Variants in TYK2 observed in about 807,000 individuals in gnomAD.
TYK2 encodes non-receptor tyrosine-protein kinase TYK2.
TYK2 carries 65 observed loss-of-function variants against 130.9 expected under a neutral mutation model. The observed-to-expected ratio is 0.50, with a 90% CI of 0.41 to 0.61. TYK2 has a LOEUF of 0.61. Among genes scored for constraint, TYK2 ranks in the 20% least tolerant of loss-of-function variants. The pLI, the probability that TYK2 is intolerant of heterozygous loss-of-function variation, is 0.00. For missense variants in TYK2, 1,378 were observed against 1,610.7 expected (o/e 0.86, Z 2.47); for synonymous variants, 647 against 658.9 (o/e 0.98, Z 0.28).
chr19:10,363,187 CTTTTT>C (rs942594471), intron 9 of TYK2, among the ~76,000 whole-genome samples: 1 of 127,686 alleles, frequency 7.8e-6, no homozygotes, highest in Non-Finnish European at 1.6e-5. Flanking sequence ...CCTGATCTCT[CTTTTT>C]TTTTTTTTTT....
intron 3 of TYK2, among the ~76,000 whole-genome samples, chr19:10,370,245 G>A (rs1337184484): frequency 6.6e-6 from 1 of 151,868 alleles, no homozygotes; most frequent in East Asian, 1.9e-4. Flanking sequence ...TGTAATTCCA[G>A]CTACTTGGGA....
rs780468311 is a variant in TYK2, at chr19:10,362,358, G to A, written c.1575C>T (p.Ser525=). The change falls in exon 11 of 25, where the codon AGC becomes AGT. Residue 525 remains serine, a synonymous_variant. Coordinates refer to ENST00000525621, the MANE Select transcript of TYK2 (RefSeq NM_003331.5). Reference sequence around the variant, plus strand: ...GCAAGGCAGCCCCAAGTTCCCGAACGCTGGGGAAGGACCGGCCCCAGCCCT... The same window carrying A: ...GCAAGGCAGCCCCAAGTTCCCGAACACTGGGGAAGGACCGGCCCCAGCCCT... ...VLEGWGRSFP[S]VRELGAALQG... 74 of 1,614,012 alleles carry A rather than the reference G, an allele frequency of 4.6e-5. No homozygotes were observed. Among genetic ancestry groups the A allele is most frequent in the Non-Finnish European group, 5.7e-5 (67 of 1,180,022 alleles).
chr19:10,359,702 G>A lies in TYK2; in HGVS notation c.2048-400C>T, dbSNP rs531772220. Among the ~76,000 whole-genome samples, 38 of 152,084 alleles carry A rather than the reference G, an allele frequency of 2.5e-4. No individual in the cohort carries two copies. In the South Asian group the frequency reaches 3.7e-3, roughly 15 times the overall value. On this transcript the variant is annotated intron_variant, in intron 14 of 24. Coordinates refer to ENST00000525621, the MANE Select transcript of TYK2 (RefSeq NM_003331.5). The stretch of plus-strand genomic sequence containing the variant: ...CACTACTAAAAAAAAAAATACAGCC[G>A]GGCGCGGTGGCTCACGCCTGTAATC...
At position 10,353,937 on chromosome 19, in the gene TYK2, TGA is replaced by T. The variant is rs1454881979; in HGVS notation, c.2908+103_2908+104del. The T allele has an allele frequency of 1.4e-5, 17 of 1,236,364 alleles. No homozygotes were observed. Among genetic ancestry groups the T allele is most frequent in the East Asian group, 4.8e-5 (2 of 41,320 alleles). 76.6% of individuals were successfully genotyped at this position (1,236,364 alleles called of 1,614,324 possible). Reference sequence around the variant, plus strand: ...AGAACCGCGTACTGCAGCCTGGGGTTGAGAGTCTCTAATTGGCTAGGCCAGAC... The same window carrying T: ...AGAACCGCGTACTGCAGCCTGGGGTTGAGTCTCTAATTGGCTAGGCCAGAC... On this transcript the variant is annotated intron_variant, in intron 20 of 24. Transcript: ENST00000525621. This position sits in a 1 kb window ranked among gnomAD's most constrained non-coding sequence, Gnocchi z 6.9.
Position 10,357,062 on chromosome 19 carries a change from C to G in TYK2, c.2467-344G>C. 9.5e-6 allele frequency: 4 copies of G among 422,144 alleles called. No individual in the cohort carries two copies. In the East Asian group the frequency reaches 2.0e-4, roughly 21 times the overall value. 26.1% of individuals were successfully genotyped at this position (422,144 alleles called of 1,614,324 possible). A position where few individuals can be genotyped will look rare whatever the true frequency, so the allele number is the denominator to read the frequency against. ...CTCTGCCTAGGCTGCCCTTCCTAGC[C>G]AGGCTTGTTGGCATAATTCTACACT... On this transcript the variant is annotated intron_variant, in intron 17 of 24. Transcript: ENST00000525621.
chr19:10,378,097 GAT>G (rs2042237135), intron 3 of TYK2, 115 bp downstream of exon 3: 1 of 1,010,056 alleles, frequency 9.9e-7, no homozygotes, highest in Admixed American at 2.1e-5. Context: ...TGGATGGATG[GAT>G]GAGTGGGTGG....
rs766254130 is a variant in TYK2, at chr19:10,350,902, T to A, written c.3496A>T (p.Ile1166Leu). 4 of 1,614,184 alleles carry A rather than the reference T, an allele frequency of 2.5e-6. No individual in the cohort carries two copies. In the Admixed American group the frequency reaches 6.7e-5, roughly 27 times the overall value. Residue 1166 changes from isoleucine (I) to leucine (L), a missense_variant, in exon 25 of 25, where the codon ATA becomes TTA. Ile to Leu is a conservative substitution (Grantham distance 5). Coordinates refer to ENST00000525621, the MANE Select transcript of TYK2 (RefSeq NM_003331.5). ...ASFRPTFENL[I>L]PILKTVHEKY... ...TCATGGACTGTCTTCAGAATGGGTATGAGGTTCTCGAAGGTTGGGCGAAAG... is the reference window on the plus strand; with the variant it reads ...TCATGGACTGTCTTCAGAATGGGTAAGAGGTTCTCGAAGGTTGGGCGAAAG...
chr19:10,380,181 A>G (rs12720219), intron 1 of TYK2, among the ~76,000 whole-genome samples, 199 bp downstream of exon 1: 2,453 of 152,320 alleles, frequency 0.016, 41 homozygotes, highest in South Asian at 0.063. Context: ...TATTCATGTT[A>G]TAGATGAGAT....
intron 3 of TYK2, among the ~76,000 whole-genome samples, chr19:10,370,314 G>A (rs1027202425): frequency 1.3e-5 from 2 of 151,804 alleles, no homozygotes; most frequent in East Asian, 2.0e-4. Context: ...AGCCAAGATC[G>A]TGCCACTGAG....
rs747868399 is a variant in TYK2 at position 10,362,196 on chromosome 19, C to G, written c.1670-15G>C. On this transcript the variant is annotated splice_polypyrimidine_tract_variant and intron_variant, in intron 11 of 24. Transcript: ENST00000525621. ...ATTGGAGGTTTCTGGGGGCAGGCAT[C>G]AAGTCATGGAGGGCGGGCCTGGGGG... 1.9e-6 allele frequency: 3 copies of G among 1,613,992 alleles called. No homozygotes were observed. The highest frequency in any genetic ancestry group is 2.5e-6 in the Non-Finnish European group (3 of 1,179,990).
chr19:10,362,597 GC>G lies in TYK2; in HGVS notation c.1427del (p.Ser476ThrfsTer8). 1 of 1,553,666 alleles carries G rather than the reference GC, an allele frequency of 6.4e-7. No individual in the cohort carries two copies. Among genetic ancestry groups the G allele is most frequent in the Non-Finnish European group, 8.7e-7 (1 of 1,148,084 alleles). On this transcript the variant is annotated frameshift_variant, in exon 10 of 25. Coordinates refer to ENST00000525621, the MANE Select transcript of TYK2 (RefSeq NM_003331.5). LOFTEE classifies it high-confidence loss of function. ...PEDGLYLIHW[S>X]TSHPYRLILT... Reference sequence around the variant, plus strand: ...GGATCAGGCGGTAGGGGTGGCTGGTGCTCCAGTGAATGAGGTACAGGCCGTC... The same window carrying G: ...GGATCAGGCGGTAGGGGTGGCTGGTGTCCAGTGAATGAGGTACAGGCCGTC...
chr19:10,377,193 C>T (rs1015675338), intron 3 of TYK2, among the ~76,000 whole-genome samples: 3 of 152,190 alleles, frequency 2.0e-5, no homozygotes, highest in Admixed American at 6.6e-5. Context: ...GTGTCAGCTA[C>T]TGCACCTGGC....
chr19:10,370,889 G>A (rs1292504101), intron 3 of TYK2, among the ~76,000 whole-genome samples: 1 of 151,942 alleles, frequency 6.6e-6, no homozygotes, highest in Non-Finnish European at 1.5e-5. Context: ...TGTAATCCCA[G>A]CACTTTGGGA....
chr19:10,379,967 C>T (rs12720220), intron 1 of TYK2, among the ~76,000 whole-genome samples, 188 bp from the exon 2 acceptor site: 1 of 152,138 alleles, frequency 6.6e-6, no homozygotes, highest in African/African-American at 2.4e-5. Flanking sequence ...CTCCATCCCC[C>T]CAATCCAGGG....
Position 10,361,669 on chromosome 19 carries a change from C to T in TYK2, c.1960-71G>A. 1.3e-6 allele frequency: 2 copies of T among 1,575,002 alleles called. No individual in the cohort carries two copies. The highest frequency in any genetic ancestry group is 8.6e-7 in the Non-Finnish European group (1 of 1,160,820). ...CATCCCACCTCCTCCACGGACACAC[C>T]CCTCCCATCCCACCTCCTCCACAGA... On this transcript the variant is annotated intron_variant, in intron 13 of 24. Transcript: ENST00000525621. The surrounding 1 kb of genome is among the most constrained non-coding windows in gnomAD (Gnocchi z 4.0).
chr19:10,379,673 G>C lies in TYK2; in HGVS notation c.-79C>G, dbSNP rs921883780. On this transcript the variant is annotated 5_prime_UTR_variant, in exon 2 of 25. Coordinates refer to ENST00000525621, the MANE Select transcript of TYK2 (RefSeq NM_003331.5). ...TCAAGCAAGCCACTTAGCAATTCTG[G>C]GCCTCAGTTTCCCCATCTGGAAAAG... The C allele has an allele frequency of 1.1e-4, 16 of 152,028 alleles. No homozygotes were observed. Among genetic ancestry groups the C allele is most frequent in the Admixed American group, 6.6e-4 (10 of 15,206 alleles). 9.4% of individuals were successfully genotyped at this position (152,028 alleles called of 1,614,324 possible).
rs559642347 is a variant in TYK2, at chr19:10,361,521, G to A, written c.2037C>T (p.Arg679=). 1.5e-5 allele frequency: 23 copies of A among 1,545,676 alleles called. No individual in the cohort carries two copies. In the East Asian group the frequency reaches 4.4e-4, roughly 30 times the overall value. Reference sequence around the variant, plus strand: ...GCGGGACCCACTCACTTTCAGGGCCGCGCACACAGACGCCATGCACGAAGG... The same window carrying A: ...GCGGGACCCACTCACTTTCAGGGCCACGCACACAGACGCCATGCACGAAGG... ...HLAFVHGVCV[R]GPENIMVTEY... Residue 679 remains arginine, a synonymous_variant, in exon 14 of 25, where the codon CGC becomes CGT. Coordinates refer to ENST00000525621, the MANE Select transcript of TYK2 (RefSeq NM_003331.5). This position sits in a 1 kb window ranked among gnomAD's most constrained non-coding sequence, Gnocchi z 4.0.
chr19:10,368,213 G>A lies in TYK2; in HGVS notation c.318-11C>T. On this transcript the variant is annotated splice_polypyrimidine_tract_variant and intron_variant, in intron 4 of 24. Coordinates refer to ENST00000525621, the MANE Select transcript of TYK2 (RefSeq NM_003331.5). ...TTCCGGAAATAAAACCTGCAGGAAG[G>A]AGGGACGCAGCTGGGGCTTAGCACA... 1 of 1,614,152 alleles carries A rather than the reference G, an allele frequency of 6.2e-7. No individual in the cohort carries two copies. The highest frequency in any genetic ancestry group is 8.5e-7 in the Non-Finnish European group (1 of 1,180,024).
At chr19:10,354,871 G>A (rs1015152937) in intron 18 of TYK2, among the ~76,000 whole-genome samples, 1 of 150,302 alleles carries the variant, frequency 6.7e-6, no homozygotes, top group African/African-American at 2.5e-5. Context: ...ACAACATGGT[G>A]AAACCCCCTC....
Sources: gnomAD v4.1 joint callset for allele counts (sites outside exome capture counted in the v4.1 genomes callset) on GRCh38, gnomAD v4.1.1 for gene constraint, Gnocchi (gnomAD v3.1) non-coding constraint, MANE v1.5 for transcripts, NCBI Gene and HGNC (gene_info 2026-07-23, HGNC 2026-07-21) for gene names.